The following TIPARP variants were observed in gnomAD, a reference collection of about 807,000 sequenced individuals.
TIPARP encodes the protein protein mono-ADP-ribosyltransferase TIPARP.
TIPARP carries 12 observed loss-of-function variants against 56.5 expected under a neutral mutation model. The observed-to-expected ratio is 0.21, with a 90% CI of 0.14 to 0.34. The LOEUF (loss-of-function observed/expected upper bound fraction) is 0.34, where lower values mean the gene tolerates loss of function less well. Ranked by LOEUF, TIPARP falls within the 10% of genes least tolerant of loss-of-function variation. The pLI is 1.00. For synonymous variants in TIPARP, 296 were observed against 265.7 expected, an observed-to-expected ratio of 1.11 and a Z score of -1.11; for missense variants, 604 against 781.6, an observed-to-expected ratio of 0.77 and a Z score of 2.71.
chr3:156,702,116 T>TAA, intron 4 of TIPARP, among the ~76,000 whole-genome samples: 1 of 150,786 alleles, frequency 6.6e-6, no homozygotes, highest in South Asian at 2.1e-4. Context: ...CAGGCAAAAC[T>TAA]AGGTTGGAAT....
intron 5 of TIPARP, 31 bp downstream of exon 5, chr3:156,703,733 G>A (rs370203438): frequency 4.4e-6 from 7 of 1,581,962 alleles, no homozygotes; most frequent in Non-Finnish European, 5.1e-6. Flanking sequence ...GTTCAAGACG[G>A]CCGGGCGCAG....
chr3:156,696,088 C>G (rs1223980124), intron 4 of TIPARP, 63 bp downstream of exon 4: 1 of 1,522,986 alleles, frequency 6.6e-7, no homozygotes, highest in Non-Finnish European at 8.8e-7. Context: ...TTCCTGAATA[C>G]TAGAGATAAA....
At position 156,703,512 on chromosome 3, in the gene TIPARP, G is replaced by A; in HGVS notation, c.1336G>A (p.Ala446Thr). Residue 446 changes from alanine to threonine, a missense_variant, in exon 5 of 6, where the codon GCA becomes ACA. Physicochemically the swap from Ala to Thr is moderately conservative, Grantham distance 58 (BLOSUM62 0). Coordinates refer to ENST00000295924, the MANE Select transcript of TIPARP (RefSeq NM_015508.5). ...TATCTGCCCAGATGGGGTCACTTCA[G>A]CAAACTTTTACCCTGAAACTTGGGT... ...QIICPDGVTS[A>T]NFYPETWVYM... is the part of the protein sequence containing the mutation. 1 of 1,614,182 alleles carries A rather than the reference G, an allele frequency of 6.2e-7. No individual in the cohort carries two copies. Among genetic ancestry groups the A allele is most frequent in the Non-Finnish European group, 8.5e-7 (1 of 1,180,032 alleles).
rs886634611 is a variant in TIPARP at position 156,705,710 on chromosome 3, T to A, written c.*579T>A. ...AGAGAACATCAGTGACTTTAACTTC[T>A]GCAGAGTTTGCCCCAGAATTCAGAG... On this transcript the variant is annotated 3_prime_UTR_variant, in exon 6 of 6. Coordinates refer to ENST00000295924, the MANE Select transcript of TIPARP (RefSeq NM_015508.5). The A allele has an allele frequency of 1.3e-5, 2 of 152,682 alleles. No individual in the cohort carries two copies. Among genetic ancestry groups the A allele is most frequent in the African/African-American group, 4.8e-5 (2 of 41,462 alleles). 9.5% of individuals were successfully genotyped at this position (152,682 alleles called of 1,614,324 possible).
chr3:156,689,086 C>T (rs1457478979), intron 2 of TIPARP, among the ~76,000 whole-genome samples: 6 of 152,162 alleles, frequency 3.9e-5, no homozygotes, highest in Non-Finnish European at 8.8e-5. Flanking sequence ...TGAAGTCTAA[C>T]CGATCTGGTT....
intron 3 of TIPARP, among the ~76,000 whole-genome samples, chr3:156,695,223 T>TTTATTTAC (rs1196848922): frequency 5.3e-5 from 8 of 151,692 alleles, no homozygotes; most frequent in Non-Finnish European, 1.2e-4. Flanking sequence ...TATTTATTTA[T>TTTATTTAC]TTATTTTGAG....
intron 4 of TIPARP, among the ~76,000 whole-genome samples, chr3:156,696,234 T>C (rs1722712066): frequency 1.3e-5 from 2 of 152,112 alleles, no homozygotes. Flanking sequence ...ATGAGTAACT[T>C]ATTGGATTTT....
rs1722971201 is a variant in TIPARP, at chr3:156,705,975, C to A, written c.*844C>A. The A allele has an allele frequency of 6.6e-6, 1 of 152,606 alleles. No homozygotes were observed. Among genetic ancestry groups the A allele is most frequent in the Admixed American group, 6.5e-5 (1 of 15,274 alleles). 9.5% of individuals were successfully genotyped at this position (152,606 alleles called of 1,614,324 possible). A position where few individuals can be genotyped will look rare whatever the true frequency, so the allele number is the denominator to read the frequency against. On this transcript the variant is annotated 3_prime_UTR_variant, in exon 6 of 6. Transcript: ENST00000295924. Reference sequence around the variant, plus strand: ...ATTACTTCCTTTTCGGGTTCCAGACCTAGCTTGTGACTGAAAGTTTTAGAA... The same window carrying A: ...ATTACTTCCTTTTCGGGTTCCAGACATAGCTTGTGACTGAAAGTTTTAGAA...
chr3:156,678,468 T>C lies in TIPARP; in HGVS notation c.771T>C (p.Cys257=). 3 of 1,614,216 alleles carry C rather than the reference T, an allele frequency of 1.9e-6. No individual in the cohort carries two copies. Among genetic ancestry groups the C allele is most frequent in the Non-Finnish European group, 2.5e-6 (3 of 1,180,024 alleles). The change falls in exon 2 of 6, where the codon TGT becomes TGC. Residue 257 remains cysteine (C), a synonymous_variant. Transcript: ENST00000295924. ...LQGTCIYGRD[C]LKHHTVLPYH... ...GCACTTGTATTTATGGCAGGGATTG[T>C]TTGAAGCACCACACTGTCTTGCCAT...
intron 3 of TIPARP, 24 bp downstream of exon 3, chr3:156,694,212 A>G: frequency 6.4e-7 from 1 of 1,559,632 alleles, no homozygotes; most frequent in South Asian, 1.2e-5. Flanking sequence ...CTTTGTTGAC[A>G]AGTACATTTT....
Position 156,695,849 on chromosome 3 carries a change from G to A in TIPARP, c.1087-16G>A, listed in dbSNP as rs765866113. ...TCCTTTTTTTTTTTTTTTTTGTTCT[G>A]TTTTCTCCTCCATAGTCTGTCATTC... is the stretch of plus-strand genomic sequence containing the variant. On this transcript the variant is annotated splice_polypyrimidine_tract_variant and intron_variant, in intron 3 of 5. Transcript: ENST00000295924. 3.0e-6 allele frequency: 2 copies of A among 660,872 alleles called. No homozygotes were observed. The highest frequency in any genetic ancestry group is 8.3e-5 in the African/African-American group (2 of 24,198). The allele number at this position is 660,872 out of a possible 1,614,324, so 40.9% of individuals were successfully genotyped here.
chr3:156,696,872 C>A (rs995096040), intron 4 of TIPARP, among the ~76,000 whole-genome samples: 11 of 152,128 alleles, frequency 7.2e-5, no homozygotes, highest in African/African-American at 2.7e-4. Context: ...TTTTTTTGTG[C>A]TGATCTTTGA....
At chr3:156,691,033 T>G (rs344013) in intron 2 of TIPARP, among the ~76,000 whole-genome samples, 144,984 of 152,152 alleles carry the variant, frequency 0.95, 69,118 homozygotes, top group Middle Eastern at 0.99. Flanking sequence ...TCTCTCACAT[T>G]GCTTGTTTTA....
chr3:156,691,603 G>A (rs1263142924), intron 2 of TIPARP, among the ~76,000 whole-genome samples: 1 of 152,108 alleles, frequency 6.6e-6, no homozygotes, highest in East Asian at 1.9e-4. Flanking sequence ...AGAATGTGGT[G>A]GCTGTTGAAC....
intron 3 of TIPARP, among the ~76,000 whole-genome samples, chr3:156,695,073 C>T (rs893403594): frequency 1.2e-4 from 19 of 152,064 alleles, no homozygotes; most frequent in Non-Finnish European, 1.2e-4. Context: ...CACTAGTTAT[C>T]TACCTTCCAA....
At chr3:156,698,860 T>C (rs1722780996) in intron 4 of TIPARP, among the ~76,000 whole-genome samples, 1 of 152,218 alleles carries the variant, frequency 6.6e-6, no homozygotes, top group Admixed American at 6.5e-5. Context: ...GGGAAGGATT[T>C]ACCATTTTAG....
At position 156,678,213 on chromosome 3, in the gene TIPARP, T is replaced by A. The variant is rs983177059; in HGVS notation, c.516T>A (p.Pro172=). ...DLLHPVSSDV[P]TSPDCLDKVI... ...TGCACCCAGTTTCAAGTGATGTTCCTACTAGTCCTGACTGCTTAGACAAAG... is the reference window on the plus strand; with the variant it reads ...TGCACCCAGTTTCAAGTGATGTTCCAACTAGTCCTGACTGCTTAGACAAAG... The change falls in exon 2 of 6, where the codon CCT becomes CCA. Residue 172 remains proline (P), a synonymous_variant. Coordinates refer to ENST00000295924, the MANE Select transcript of TIPARP (RefSeq NM_015508.5). The A allele has an allele frequency of 5.6e-6, 9 of 1,614,190 alleles. No homozygotes were observed. The highest frequency in any genetic ancestry group is 5.9e-6 in the Non-Finnish European group (7 of 1,180,046).
intron 2 of TIPARP, among the ~76,000 whole-genome samples, chr3:156,686,877 AT>A (rs1489818546): frequency 6.6e-6 from 1 of 152,154 alleles, no homozygotes; most frequent in African/African-American, 2.4e-5. Context: ...AGAAAAAATT[AT>A]AAAAACGTTT....
chr3:156,695,858 TCC>T lies in TIPARP; in HGVS notation c.1087-6_1087-5del. ...TTTTTTTTTTTGTTCTGTTTTCTCCTCCATAGTCTGTCATTCGATTGATTGAA... is the reference window on the plus strand; with the variant it reads ...TTTTTTTTTTTGTTCTGTTTTCTCCTATAGTCTGTCATTCGATTGATTGAA... On this transcript the variant is annotated splice_region_variant and splice_polypyrimidine_tract_variant and intron_variant, in intron 3 of 5. Transcript: ENST00000295924. 2 of 1,330,584 alleles carry T rather than the reference TCC, an allele frequency of 1.5e-6. No individual in the cohort carries two copies. Among genetic ancestry groups the T allele is most frequent in the Non-Finnish European group, 1.0e-6 (1 of 982,960 alleles). The allele number at this position is 1,330,584 out of a possible 1,614,324, so 82.4% of individuals were successfully genotyped here.
Sources: gnomAD v4.1 joint callset for allele counts (sites outside exome capture counted in the v4.1 genomes callset) on GRCh38, gnomAD v4.1.1 for gene constraint, MANE v1.5 for transcripts, NCBI Gene and HGNC (gene_info 2026-07-23, HGNC 2026-07-21) for gene names.